The following UBE2E2 variants were observed in gnomAD, a reference collection of about 807,000 sequenced individuals.
UBE2E2 encodes ubiquitin conjugating enzyme E2 E2.
Under a neutral mutation model 24.7 loss-of-function variants are expected in UBE2E2, and 6 were observed. That is an observed-to-expected ratio of 0.24 (90% CI 0.13 to 0.48). The LOEUF is 0.48. Ranked by LOEUF, UBE2E2 falls within the 20% of genes least tolerant of loss-of-function variation. The pLI, the probability that UBE2E2 is intolerant of heterozygous loss-of-function variation, is 0.99. For synonymous variants in UBE2E2, 104 were observed against 83.6 expected, an observed-to-expected ratio of 1.24 and a Z score of -1.33; for missense variants, 169 against 245.0, an observed-to-expected ratio of 0.69 and a Z score of 2.07.
chr3:23,581,203 A>G (rs1184301112), intron 5 of UBE2E2, among the ~76,000 whole-genome samples: 1 of 152,066 alleles, frequency 6.6e-6, no homozygotes, highest in Non-Finnish European at 1.5e-5. Context: ...GACTATAGGC[A>G]TGCACCACCA....
At chr3:23,510,075 C>G (rs916082375) in intron 4 of UBE2E2, among the ~76,000 whole-genome samples, 5 of 152,094 alleles carry the variant, frequency 3.3e-5, no homozygotes, top group African/African-American at 9.7e-5. Flanking sequence ...AGCAGGATCT[C>G]TCCGTAAGGT....
At chr3:23,499,862 G>A in intron 4 of UBE2E2, 122 bp downstream of exon 4, 2 of 1,186,726 alleles carry the variant, frequency 1.7e-6, no homozygotes, top group Non-Finnish European at 1.1e-6. Flanking sequence ...CAGCTTCCCA[G>A]GATTGATAGT....
At chr3:23,234,781 G>A (rs190509848) in intron 3 of UBE2E2, among the ~76,000 whole-genome samples, 43 of 152,230 alleles carry the variant, frequency 2.8e-4, no homozygotes, top group Admixed American at 1.3e-3. Context: ...GTTGTTAAGC[G>A]GTAAGAGTTT....
chr3:23,276,590 G>T (rs1698379682), intron 3 of UBE2E2, among the ~76,000 whole-genome samples: 1 of 151,612 alleles, frequency 6.6e-6, no homozygotes, highest in African/African-American at 2.4e-5. Context: ...GCAGACTTGT[G>T]TGTTCAAAGG....
At chr3:23,415,346 C>G (rs1217420902) in intron 3 of UBE2E2, among the ~76,000 whole-genome samples, 4 of 152,130 alleles carry the variant, frequency 2.6e-5, no homozygotes, top group Non-Finnish European at 5.9e-5. Context: ...GAGATACATC[C>G]TATGTCTGTA....
intron 5 of UBE2E2, among the ~76,000 whole-genome samples, chr3:23,573,409 C>T (rs1468193622): frequency 6.6e-6 from 1 of 152,070 alleles, no homozygotes; most frequent in Non-Finnish European, 1.5e-5. Context: ...ACATCATAAG[C>T]TAGGTTAAAG....
intron 3 of UBE2E2, among the ~76,000 whole-genome samples, chr3:23,242,797 A>G (rs1440488487): frequency 1.3e-5 from 2 of 152,192 alleles, no homozygotes; most frequent in Admixed American, 1.3e-4. Context: ...GCTTGAAAAT[A>G]GTTATCGGCC....
At chr3:23,469,916 T>C (rs1698998323) in intron 3 of UBE2E2, among the ~76,000 whole-genome samples, 1 of 152,224 alleles carries the variant, frequency 6.6e-6, no homozygotes, top group African/African-American at 2.4e-5. Context: ...GGTCTTTTTC[T>C]GGCAAGTGTC....
chr3:23,577,297 CA>C (rs752688675), intron 5 of UBE2E2, among the ~76,000 whole-genome samples: 1 of 150,074 alleles, frequency 6.7e-6, no homozygotes, highest in Non-Finnish European at 1.5e-5. Flanking sequence ...AAAGAAAATA[CA>C]AAGTGCTACT....
intron 4 of UBE2E2, among the ~76,000 whole-genome samples, chr3:23,527,017 G>A (rs557930938): frequency 1.3e-5 from 2 of 152,288 alleles, no homozygotes; most frequent in African/African-American, 4.8e-5. Flanking sequence ...AGCAAAAGAT[G>A]TGACAAACTG....
chr3:23,313,408 G>A (rs1459569215), intron 3 of UBE2E2, among the ~76,000 whole-genome samples: 1 of 41,468 alleles, frequency 2.4e-5, no homozygotes, highest in Non-Finnish European at 4.7e-5. Flanking sequence ...TTTTTTTTGA[G>A]GGCATCTCGC....
chr3:23,359,637 T>C (rs1450953910), intron 3 of UBE2E2, among the ~76,000 whole-genome samples: 1 of 152,132 alleles, frequency 6.6e-6, no homozygotes, highest in African/African-American at 2.4e-5. Context: ...ACTTTTCTTT[T>C]TTTGCCTTTC....
chr3:23,410,972 C>G (rs570618493), intron 3 of UBE2E2, among the ~76,000 whole-genome samples: 126 of 152,174 alleles, frequency 8.3e-4, no homozygotes, highest in African/African-American at 3.0e-3. Context: ...CCTCCTCTCC[C>G]TCCTCAAACT....
intron 3 of UBE2E2, among the ~76,000 whole-genome samples, chr3:23,218,826 TAAAC>T (rs1392373714): frequency 2.6e-5 from 4 of 152,104 alleles, no homozygotes; most frequent in African/African-American, 4.8e-5. Context: ...ATTATTTAAA[TAAAC>T]AAATAATTGA....
intron 3 of UBE2E2, among the ~76,000 whole-genome samples, chr3:23,454,832 T>A (rs766588586): frequency 5.3e-5 from 8 of 152,260 alleles, no homozygotes; most frequent in Admixed American, 3.3e-4. Context: ...ACAGTGTACT[T>A]CCTAATTTAG....
intron 3 of UBE2E2, among the ~76,000 whole-genome samples, chr3:23,473,472 T>C (rs2125435985): frequency 6.7e-6 from 1 of 150,002 alleles, no homozygotes; most frequent in South Asian, 2.1e-4. Context: ...GAACAGGTGG[T>C]ATTTGGTTAC....
chr3:23,357,883 G>T (rs1289570192), intron 3 of UBE2E2, among the ~76,000 whole-genome samples: 1 of 152,158 alleles, frequency 6.6e-6, no homozygotes, highest in African/African-American at 2.4e-5. Flanking sequence ...CTATCACCCA[G>T]GCTGGCATGC....
At chr3:23,266,182 T>C (rs189563420) in intron 3 of UBE2E2, among the ~76,000 whole-genome samples, 373 of 152,314 alleles carry the variant, frequency 2.4e-3, no homozygotes, top group African/African-American at 8.3e-3. Flanking sequence ...AATTTGATCC[T>C]GTCATTATGA....
intron 3 of UBE2E2, among the ~76,000 whole-genome samples, chr3:23,432,641 C>T (rs1250115586): frequency 1.3e-5 from 2 of 151,918 alleles, no homozygotes; most frequent in Non-Finnish European, 2.9e-5. Context: ...CTTACTATTA[C>T]TCTGTCCAAA....
Sources: gnomAD v4.1 joint callset for allele counts (sites outside exome capture counted in the v4.1 genomes callset) on GRCh38, gnomAD v4.1.1 for gene constraint, MANE v1.5 for transcripts, NCBI Gene and HGNC (gene_info 2026-07-23, HGNC 2026-07-21) for gene names.